The following AQP2 variants were observed in gnomAD, a reference collection of about 807,000 sequenced individuals.
The protein encoded by AQP2 is aquaporin 2.
A neutral mutation model predicts 21.6 loss-of-function variants in AQP2; 20 were observed. The ratio of observed to expected loss-of-function variants is 0.92; its 90% confidence interval spans 0.65 to 1.34. The LOEUF is 1.34. Ranked by LOEUF, AQP2 falls within the 40% of genes most tolerant of loss-of-function variation. The pLI is 0.00. For missense variants in AQP2, 325 were observed against 363.4 expected, an observed-to-expected ratio of 0.89 and a Z score of 0.86; for synonymous variants, 168 against 166.9, an observed-to-expected ratio of 1.01 and a Z score of -0.05.
Position 49,958,850 on chromosome 12 carries a change from T to TAAGC in AQP2, c.*3244_*3247dup, listed in dbSNP as rs1055339907. The TAAGC allele has an allele frequency of 6.6e-6, 1 of 152,258 alleles. No homozygotes were observed. Among genetic ancestry groups the TAAGC allele is most frequent in the African/African-American group, 2.4e-5 (1 of 41,466 alleles). The allele number at this position is 152,258 out of a possible 1,614,324, so 9.4% of individuals were successfully genotyped here. A position where few individuals can be genotyped will look rare whatever the true frequency, so the allele number is the denominator to read the frequency against. On this transcript the variant is annotated 3_prime_UTR_variant, in exon 4 of 4. Coordinates refer to ENST00000199280, the MANE Select transcript of AQP2 (RefSeq NM_000486.6). ...CTTCCTTCAACTGCTCTGCATATAA[T>TAAGC]AAGCACTCAATAAATGCTCATTTGC...
At chr12:49,951,621 G>A (rs953288556) in intron 1 of AQP2, 1 of 172,056 alleles carries the variant, frequency 5.8e-6, no homozygotes, top group African/African-American at 2.4e-5. Flanking sequence ...GGGTTTGCAG[G>A]TCCCGTGGCA....
In AQP2 at chr12:49,951,037, T is replaced by A; in HGVS notation, c.207T>A (p.Pro69=). The A allele has an allele frequency of 6.2e-7, 1 of 1,613,934 alleles. No individual in the cohort carries two copies. The highest frequency in any genetic ancestry group is 8.5e-7 in the Non-Finnish European group (1 of 1,179,994). Residue 69 remains proline (P), a synonymous_variant, in exon 1 of 4, where the codon CCT becomes CCA. Coordinates refer to ENST00000199280, the MANE Select transcript of AQP2 (RefSeq NM_000486.6). ...LGHISGAHIN[P]AVTVACLVGC... is the part of the protein sequence containing the mutation. The stretch of plus-strand genomic sequence containing the variant: ...ACATAAGCGGGGCCCACATCAACCC[T>A]GCCGTGACTGTGGCCTGCCTGGTGG...
chr12:49,953,545 G>A (rs1024796022), intron 1 of AQP2, among the ~76,000 whole-genome samples: 2 of 152,208 alleles, frequency 1.3e-5, no homozygotes, highest in Non-Finnish European at 2.9e-5. Flanking sequence ...GATGTGCAGG[G>A]AGCAAACTAA....
intron 1 of AQP2, among the ~76,000 whole-genome samples, chr12:49,953,388 G>A (rs1386725862): frequency 6.6e-6 from 1 of 152,210 alleles, no homozygotes; most frequent in Non-Finnish European, 1.5e-5. Context: ...CCAGTGCTGG[G>A]TGCGGCCCAG....
chr12:49,950,902 C>G lies in AQP2; in HGVS notation c.72C>G (p.Val24=). 1 of 1,614,090 alleles carries G rather than the reference C, an allele frequency of 6.2e-7. No individual in the cohort carries two copies. Among genetic ancestry groups the G allele is most frequent in the Non-Finnish European group, 8.5e-7 (1 of 1,179,910 alleles). ...FAEFLATLLF[V]FFGLGSALNW... The stretch of plus-strand genomic sequence containing the variant: ...AGTTCCTGGCCACACTCCTCTTCGT[C>G]TTCTTTGGCCTCGGCTCTGCCCTCA... Residue 24 remains valine, a synonymous_variant, in exon 1 of 4, where the codon GTC becomes GTG. Transcript: ENST00000199280.
chr12:49,950,859 C>T lies in AQP2; in HGVS notation c.29C>T (p.Ser10Phe). Reference sequence around the variant, plus strand: ...TGGGAGCTCCGCTCCATAGCCTTCTCCAGGGCTGTGTTCGCAGAGTTCCTG... The same window carrying T: ...TGGGAGCTCCGCTCCATAGCCTTCTTCAGGGCTGTGTTCGCAGAGTTCCTG... MWELRSIAF[S>F]RAVFAEFLAT... is the part of the protein sequence containing the mutation. The change falls in exon 1 of 4, where the codon TCC becomes TTC. Residue 10 changes from serine (S) to phenylalanine (F), a missense_variant. Transcript: ENST00000199280. 1 of 1,613,354 alleles carries T rather than the reference C, an allele frequency of 6.2e-7. No individual in the cohort carries two copies. The highest frequency in any genetic ancestry group is 8.5e-7 in the Non-Finnish European group (1 of 1,179,376).
chr12:49,953,994 A>C (rs1947347556), intron 1 of AQP2, 161 bp from the exon 2 acceptor site: 1 of 1,034,206 alleles, frequency 9.7e-7, no homozygotes, highest in South Asian at 1.3e-5. Flanking sequence ...GGGCCCAGGA[A>C]GAAGGGATCA....
intron 1 of AQP2, among the ~76,000 whole-genome samples, chr12:49,953,446 G>A (rs966159137): frequency 9.2e-5 from 14 of 152,326 alleles, no homozygotes; most frequent in Admixed American, 7.2e-4. Context: ...CCTTACCCAA[G>A]GCAGGGTCTG....
Position 49,950,749 on chromosome 12 carries a change from A to AGAGAGCGATAGAGTGC in AQP2, c.-73_-58dup. 6.5e-7 allele frequency: 1 copy of AGAGAGCGATAGAGTGC among 1,534,138 alleles called. No individual in the cohort carries two copies. Among genetic ancestry groups the AGAGAGCGATAGAGTGC allele is most frequent in the South Asian group, 1.2e-5 (1 of 82,918 alleles). On this transcript the variant is annotated 5_prime_UTR_variant, in exon 1 of 4. Coordinates refer to ENST00000199280, the MANE Select transcript of AQP2 (RefSeq NM_000486.6). ...CCAGCCTCCCCAGAGGCCTTGAGAAAGAGAGCGATAGAGTGCGAGAGCGAG... is the reference window on the plus strand; with the variant it reads ...CCAGCCTCCCCAGAGGCCTTGAGAAAGAGAGCGATAGAGTGCGAGAGCGATAGAGTGCGAGAGCGAG...
Position 49,955,832 on chromosome 12 carries a change from T to G in AQP2, c.*224T>G, listed in dbSNP as rs955453397. The G allele has an allele frequency of 2.4e-5, 17 of 699,776 alleles. No homozygotes were observed. In the Admixed American group the frequency reaches 3.6e-4, roughly 15 times the overall value. 43.3% of individuals were successfully genotyped at this position (699,776 alleles called of 1,614,324 possible). ...CCCCTGCCCTGAGGCTGTGAGCAGC[T>G]AGTGGTGGCTTCTCCAGCCTTTTTC... On this transcript the variant is annotated 3_prime_UTR_variant, in exon 4 of 4. Coordinates refer to ENST00000199280, the MANE Select transcript of AQP2 (RefSeq NM_000486.6).
Position 49,951,009 on chromosome 12 carries a change from G to A in AQP2, c.179G>A (p.Gly60Asp). The part of the protein sequence containing the change: ...LGIGTLVQAL[G>D]HISGAHINPA... ...ATTGGCACCCTGGTACAGGCTCTGG[G>A]CCACATAAGCGGGGCCCACATCAAC... Residue 60 changes from glycine to aspartate, a missense_variant, in exon 1 of 4, where the codon GGC (glycine) becomes GAC (aspartate). Gly to Asp is a moderately conservative substitution (Grantham distance 94). Coordinates refer to ENST00000199280, the MANE Select transcript of AQP2 (RefSeq NM_000486.6). 1 of 1,614,078 alleles carries A rather than the reference G, an allele frequency of 6.2e-7. No individual in the cohort carries two copies. Among genetic ancestry groups the A allele is most frequent in the Non-Finnish European group, 8.5e-7 (1 of 1,180,032 alleles).
At chr12:49,953,282 C>T (rs560122581) in intron 1 of AQP2, among the ~76,000 whole-genome samples, 33 of 152,300 alleles carry the variant, frequency 2.2e-4, no homozygotes, top group African/African-American at 7.5e-4. Flanking sequence ...GGAGAAAGAG[C>T]GTGGGAGCTG....
rs142263071 is a variant in AQP2, at chr12:49,955,889, G to C, written c.*281G>C. ...CTGGGAACTTAGGGGACTGAGCTGGGGAGGGAGGCAGGTGGGTGGTAAGAG... is the reference window on the plus strand; with the variant it reads ...CTGGGAACTTAGGGGACTGAGCTGGCGAGGGAGGCAGGTGGGTGGTAAGAG... On this transcript the variant is annotated 3_prime_UTR_variant, in exon 4 of 4. Coordinates refer to ENST00000199280, the MANE Select transcript of AQP2 (RefSeq NM_000486.6). The C allele has an allele frequency of 3.5e-5, 21 of 606,142 alleles. No homozygotes were observed. In the African/African-American group the frequency reaches 3.7e-4, roughly 11 times the overall value. 37.5% of individuals were successfully genotyped at this position (606,142 alleles called of 1,614,324 possible).
At chr12:49,955,045 C>T (rs1053272557) in intron 3 of AQP2, among the ~76,000 whole-genome samples, 1 of 152,170 alleles carries the variant, frequency 6.6e-6, no homozygotes, top group South Asian at 2.1e-4. Context: ...ATGTGGTGAG[C>T]CTTGTTCTGA....
In AQP2 at chr12:49,958,610, G is replaced by C. The variant is rs2878771; in HGVS notation, c.*3002G>C. 0.18 allele frequency: 27,896 copies of C among 152,284 alleles called. 2,801 individuals carry two copies. The highest frequency in any genetic ancestry group is 0.36 in the East Asian group (1,887 of 5,180). 9.4% of individuals were successfully genotyped at this position (152,284 alleles called of 1,614,324 possible). A position where few individuals can be genotyped will look rare whatever the true frequency, so the allele number is the denominator to read the frequency against. On this transcript the variant is annotated 3_prime_UTR_variant, in exon 4 of 4. Coordinates refer to ENST00000199280, the MANE Select transcript of AQP2 (RefSeq NM_000486.6). ...AGGGCAGCATGGAGACAGGTAGACA[G>C]ACCTCCAGGTCCCTAAGCTGGGGAC...
Position 49,954,717 on chromosome 12 carries a change from G to A in AQP2, c.606+7G>A, listed in dbSNP as rs1318962218. ...CAAATTTGATGACCACTGGGTAATG[G>A]CTGAAACCCCCTGCCCTCCCCTTCT... On this transcript the variant is annotated splice_region_variant and intron_variant, in intron 3 of 3. Transcript: ENST00000199280. 3.7e-6 allele frequency: 6 copies of A among 1,613,544 alleles called. No individual in the cohort carries two copies. The East Asian group carries it at 1.3e-4, about 36-fold the overall frequency.
rs201047682 is a variant in AQP2, at chr12:49,951,134, G to T, written c.304G>T (p.Ala102Ser). The T allele has an allele frequency of 1.8e-5, 29 of 1,605,962 alleles. No homozygotes were observed. The highest frequency in any genetic ancestry group is 2.1e-5 in the Non-Finnish European group (25 of 1,174,678). ...GCTGCTGGGGGCTGTGGCCGGAGCCGCTCTGCTCCATGAGATCACGCCAGC... is the reference window on the plus strand; with the variant it reads ...GCTGCTGGGGGCTGTGGCCGGAGCCTCTCTGCTCCATGAGATCACGCCAGC... ...AQLLGAVAGA[A>S]LLHEITPADI... is the part of the protein sequence containing the mutation. The change falls in exon 1 of 4, where the codon GCT (alanine) becomes TCT (serine). Residue 102 changes from alanine (A) to serine (S), a missense_variant. Coordinates refer to ENST00000199280, the MANE Select transcript of AQP2 (RefSeq NM_000486.6).
Position 49,957,019 on chromosome 12 carries a change from G to T in AQP2, c.*1411G>T, listed in dbSNP as rs1947375278. 6.6e-6 allele frequency: 1 copy of T among 152,626 alleles called. No homozygotes were observed. Among genetic ancestry groups the T allele is most frequent in the Non-Finnish European group, 1.5e-5 (1 of 68,034 alleles). 9.5% of individuals were successfully genotyped at this position (152,626 alleles called of 1,614,324 possible). A position where few individuals can be genotyped will look rare whatever the true frequency, so the allele number is the denominator to read the frequency against. On this transcript the variant is annotated 3_prime_UTR_variant, in exon 4 of 4. Coordinates refer to ENST00000199280, the MANE Select transcript of AQP2 (RefSeq NM_000486.6). Reference sequence around the variant, plus strand: ...TACTGCTCTCAAAAGAGATTAACTGGGATTAAGTGAGATGACGCATGTAAA... The same window carrying T: ...TACTGCTCTCAAAAGAGATTAACTGTGATTAAGTGAGATGACGCATGTAAA...
intron 2 of AQP2, 80 bp downstream of exon 2, chr12:49,954,399 A>G (rs1947351346): frequency 1.4e-6 from 2 of 1,467,460 alleles, no homozygotes; most frequent in Non-Finnish European, 1.9e-6. Context: ...AGAGACCCCA[A>G]GAGGGACACA....
Sources: allele counts gnomAD v4.1 joint callset (sites outside exome capture counted in the v4.1 genomes callset), GRCh38; gene constraint gnomAD v4.1.1; transcripts MANE v1.5; gene names NCBI Gene and HGNC (gene_info 2026-07-23, HGNC 2026-07-21).